PPP2R2B: variants seen among roughly 807,000 people sequenced by gnomAD.
PPP2R2B encodes the protein serine/threonine-protein phosphatase 2A 55 kDa regulatory subunit B beta isoform.
PPP2R2B carries 5 observed loss-of-function variants against 46.0 expected under a neutral mutation model. The observed-to-expected ratio is 0.11, with a 90% CI of 0.06 to 0.23. The LOEUF (loss-of-function observed/expected upper bound fraction) is 0.23. PPP2R2B is among the 10% of genes least tolerant of loss of function. The probability of loss-of-function intolerance (pLI) is 1.00; values close to 1 mark genes in which losing one functional copy is unlikely to be tolerated. For missense variants in PPP2R2B, 367 were observed against 575.0 expected (o/e 0.64, Z 3.70); for synonymous variants, 215 against 206.7 (o/e 1.04, Z -0.34).
chr5:146,933,177 T>C (rs910764369), intron 1 of PPP2R2B, among the ~76,000 whole-genome samples: 1 of 152,218 alleles, frequency 6.6e-6, no homozygotes, highest in Non-Finnish European at 1.5e-5. Context: ...GTAACAGGGA[T>C]TGGAAAATAA....
chr5:147,069,783 C>CTTTTTT (rs1561611794), intron 2 of PPP2R2B, among the ~76,000 whole-genome samples: 19 of 48,430 alleles, frequency 3.9e-4, no homozygotes, highest in African/African-American at 6.2e-4. Flanking sequence ...ACATTTTATA[C>CTTTTTT]TGTTTTTTTT....
intron 2 of PPP2R2B, among the ~76,000 whole-genome samples, chr5:146,751,963 T>C (rs993170406): frequency 2.0e-5 from 3 of 151,292 alleles, no homozygotes; most frequent in Non-Finnish European, 2.9e-5. Context: ...TGGCAGGAAA[T>C]GGGGGTAGGG....
chr5:146,874,969 C>A (rs1277420140), intron 2 of PPP2R2B, among the ~76,000 whole-genome samples: 1 of 152,200 alleles, frequency 6.6e-6, no homozygotes, highest in African/African-American at 2.4e-5. Flanking sequence ...ATAGCTTATA[C>A]ACTGAGATAA....
intron 2 of PPP2R2B, among the ~76,000 whole-genome samples, chr5:146,791,463 G>C (rs1270881762): frequency 1.3e-5 from 2 of 151,794 alleles, no homozygotes; most frequent in Admixed American, 6.6e-5. Flanking sequence ...TGAGCTAATC[G>C]GCATATTCCC....
At chr5:146,711,925 A>C (rs1476392231) in intron 2 of PPP2R2B, among the ~76,000 whole-genome samples, 1 of 152,220 alleles carries the variant, frequency 6.6e-6, no homozygotes, top group Non-Finnish European at 1.5e-5. Flanking sequence ...AACTCAAGGA[A>C]ACACATCTCA....
At chr5:146,637,575 A>G (rs536193478) in intron 7 of PPP2R2B, among the ~76,000 whole-genome samples, 3 of 152,278 alleles carry the variant, frequency 2.0e-5, no homozygotes, top group South Asian at 2.1e-4. Flanking sequence ...AATTTCCCTA[A>G]CAACTAATTC....
At chr5:147,046,674 A>T (rs1756557956) in intron 1 of PPP2R2B, among the ~76,000 whole-genome samples, 1 of 152,196 alleles carries the variant, frequency 6.6e-6, no homozygotes, top group African/African-American at 2.4e-5. Context: ...AGGTTGAAAG[A>T]GTCAAAGAAT....
chr5:146,987,841 G>A (rs947827726), intron 1 of PPP2R2B, among the ~76,000 whole-genome samples: 1 of 151,756 alleles, frequency 6.6e-6, no homozygotes, highest in Admixed American at 6.6e-5. Context: ...TCACTGAATA[G>A]ATAAGAAACC....
At chr5:146,828,017 G>A (rs1217119667) in intron 2 of PPP2R2B, among the ~76,000 whole-genome samples, 1 of 151,592 alleles carries the variant, frequency 6.6e-6, no homozygotes, top group Non-Finnish European at 1.5e-5. Flanking sequence ...GAGAGAGAGA[G>A]AGAGAGACAG....
At chr5:146,991,058 A>T (rs968440949) in intron 1 of PPP2R2B, among the ~76,000 whole-genome samples, 5 of 152,148 alleles carry the variant, frequency 3.3e-5, no homozygotes, top group African/African-American at 7.2e-5. Flanking sequence ...ATCATTAAAA[A>T]GATAAAAAAA....
chr5:146,762,341 T>G (rs1239341027), intron 2 of PPP2R2B, among the ~76,000 whole-genome samples: 1 of 152,120 alleles, frequency 6.6e-6, no homozygotes, highest in Non-Finnish European at 1.5e-5. Context: ...GGCATCAGTT[T>G]CCCCATCTAT....
chr5:146,997,788 T>C (rs561488052), intron 1 of PPP2R2B, among the ~76,000 whole-genome samples: 1 of 152,314 alleles, frequency 6.6e-6, no homozygotes, highest in Admixed American at 6.5e-5. Flanking sequence ...AACATCTCTA[T>C]AGACAAAGGA....
At chr5:146,852,800 T>C (rs1352748563) in intron 2 of PPP2R2B, among the ~76,000 whole-genome samples, 3 of 152,090 alleles carry the variant, frequency 2.0e-5, no homozygotes, top group Non-Finnish European at 4.4e-5. Flanking sequence ...GGGAGCACAT[T>C]GGGAATTATC....
chr5:146,658,616 G>A (rs457650), intron 5 of PPP2R2B, among the ~76,000 whole-genome samples: 115,123 of 152,108 alleles, frequency 0.76, 44,955 homozygotes, highest in Non-Finnish European at 0.86. Context: ...TCATTTCTTC[G>A]TTCCTAACTT....
intron 1 of PPP2R2B, among the ~76,000 whole-genome samples, chr5:147,009,898 C>CACACACATAT (rs781463815): frequency 7.6e-5 from 11 of 145,520 alleles, no homozygotes; most frequent in African/African-American, 1.8e-4. Flanking sequence ...CACACACACA[C>CACACACATAT]ATATATATAT....
intron 1 of PPP2R2B, among the ~76,000 whole-genome samples, chr5:147,027,064 T>A (rs1158847003): frequency 6.6e-6 from 1 of 152,078 alleles, no homozygotes; most frequent in African/African-American, 2.4e-5. Flanking sequence ...AATAAAAAAA[T>A]TTTGGTATAT....
Position 146,812,791 on chromosome 5 carries a change from G to GTATA in PPP2R2B, c.70+65210_70+65211insTATA, listed in dbSNP as rs1239921320. On this transcript the variant is annotated intron_variant, in intron 2 of 9. Coordinates refer to ENST00000394411, the MANE Select transcript of PPP2R2B (RefSeq NM_181675.4). ...TTAATGTGTGTGTGTGTGTATATGT[G>GTATA]TGTATATATATATATATATATATAT... is the stretch of plus-strand genomic sequence containing the variant. 5.5e-3 allele frequency among the ~76,000 whole-genome samples: 55 copies of GTATA among 9,938 alleles called. 2 individuals are homozygous for GTATA. Among genetic ancestry groups the GTATA allele is most frequent in the East Asian group, 0.016 (4 of 244 alleles). The allele number at this position is 9,938 out of a possible 152,430, so 6.5% of individuals were successfully genotyped here.
chr5:146,757,555 CA>C (rs1411776844), intron 2 of PPP2R2B, among the ~76,000 whole-genome samples: 1 of 152,124 alleles, frequency 6.6e-6, no homozygotes, highest in Non-Finnish European at 1.5e-5. Context: ...TTGTTTTGGA[CA>C]TGCAGGGGTG....
intron 1 of PPP2R2B, among the ~76,000 whole-genome samples, chr5:147,012,697 G>C (rs1754800207): frequency 2.0e-5 from 3 of 151,526 alleles, no homozygotes; most frequent in Admixed American, 6.6e-5. Flanking sequence ...GATCTTTCCT[G>C]CTTTCTCTTG....
Sources: allele counts gnomAD v4.1 joint callset (sites outside exome capture counted in the v4.1 genomes callset), GRCh38; gene constraint gnomAD v4.1.1; transcripts MANE v1.5; gene names NCBI Gene and HGNC (gene_info 2026-07-23, HGNC 2026-07-21).